The following PRKRIP1 variants were observed in gnomAD, a reference collection of about 807,000 sequenced individuals.
PRKRIP1 encodes PRKR interacting protein 1.
In PRKRIP1, 29 loss-of-function variants were observed where a neutral mutation model predicts 29.3. That is an observed-to-expected ratio of 0.99 (90% CI 0.74 to 1.35). The LOEUF (loss-of-function observed/expected upper bound fraction) is 1.35. PRKRIP1 is among the 40% of genes most tolerant of loss of function. The pLI, the probability that PRKRIP1 is intolerant of heterozygous loss-of-function variation, is 0.00. For synonymous variants in PRKRIP1, 90 were observed against 85.1 expected, an observed-to-expected ratio of 1.06 and a Z score of -0.32; for missense variants, 247 against 236.8, an observed-to-expected ratio of 1.04 and a Z score of -0.28.
At chr7:102,417,703 C>G (rs1796591562) in intron 5 of PRKRIP1, among the ~76,000 whole-genome samples, 1 of 148,690 alleles carries the variant, frequency 6.7e-6, no homozygotes, top group Non-Finnish European at 1.5e-5. Flanking sequence ...ACTGCATCCT[C>G]AAACTCCGGG....
At chr7:102,421,028 TCA>T (rs1370551226) in intron 5 of PRKRIP1, among the ~76,000 whole-genome samples, 17 of 152,264 alleles carry the variant, frequency 1.1e-4, no homozygotes, top group African/African-American at 3.8e-4. Flanking sequence ...CCATGCTTAC[TCA>T]CAGTTTCTTT....
At chr7:102,406,738 C>T (rs1041776118) in intron 4 of PRKRIP1, among the ~76,000 whole-genome samples, 1 of 152,056 alleles carries the variant, frequency 6.6e-6, no homozygotes, top group Non-Finnish European at 1.5e-5. Flanking sequence ...GGGCCAAATG[C>T]GTTGTTGATG....
chr7:102,411,585 A>G (rs1796383951), intron 5 of PRKRIP1, among the ~76,000 whole-genome samples: 1 of 151,880 alleles, frequency 6.6e-6, no homozygotes, highest in Non-Finnish European at 1.5e-5. Flanking sequence ...GGGTTTCACT[A>G]TATTGGCCAG....
chr7:102,426,092 A>G lies in PRKRIP1; in HGVS notation c.*981A>G, dbSNP rs941064. ...AAACTGGCATCCAGGCACTGGGCCC[A>G]TGCAGAGAAGGCACCTGCAGAGAGC... On this transcript the variant is annotated 3_prime_UTR_variant, in exon 6 of 6. Coordinates refer to ENST00000397912, the MANE Select transcript of PRKRIP1 (RefSeq NM_024653.4). The G allele has an allele frequency of 0.99, 150,807 of 153,032 alleles. 74,341 individuals are homozygous for G. The highest frequency in any genetic ancestry group is 1 in the Middle Eastern group (296 of 296). The allele number at this position is 153,032 out of a possible 1,614,324, so 9.5% of individuals were successfully genotyped here.
chr7:102,397,087 C>G (rs1795925487), intron 1 of PRKRIP1, among the ~76,000 whole-genome samples: 1 of 152,056 alleles, frequency 6.6e-6, no homozygotes. Context: ...TTTTTCAGTT[C>G]TGCTCTGGAA....
rs1796817751 is a variant in PRKRIP1, at chr7:102,425,840, C to T, written c.*729C>T. ...AGCTGGGCTGAGCCAGAGCAGAAGG[C>T]GAGGGATTCCCAGCCGGACGGGGGT... On this transcript the variant is annotated 3_prime_UTR_variant, in exon 6 of 6. Coordinates refer to ENST00000397912, the MANE Select transcript of PRKRIP1 (RefSeq NM_024653.4). 3 of 154,096 alleles carry T rather than the reference C, an allele frequency of 1.9e-5. No homozygotes were observed. The South Asian group carries it at 5.6e-4, about 29-fold the overall frequency. The allele number at this position is 154,096 out of a possible 1,614,324, so 9.5% of individuals were successfully genotyped here.
intron 5 of PRKRIP1, among the ~76,000 whole-genome samples, chr7:102,417,409 TG>T (rs1796582285): frequency 6.6e-6 from 1 of 152,308 alleles, no homozygotes; most frequent in Non-Finnish European, 1.5e-5. Context: ...GAAGTCATTC[TG>T]CATGCTAGGG....
At chr7:102,404,536 G>A in intron 3 of PRKRIP1, 62 bp from the exon 4 acceptor site, 1 of 1,439,316 alleles carries the variant, frequency 6.9e-7, no homozygotes, top group East Asian at 2.3e-5. Context: ...CTTTGCCTGA[G>A]CAAAACCTCC....
intron 3 of PRKRIP1, among the ~76,000 whole-genome samples, chr7:102,400,149 A>C (rs1796025029): frequency 6.6e-6 from 1 of 151,868 alleles, no homozygotes; most frequent in African/African-American, 2.4e-5. Context: ...GTCTCTACTA[A>C]AAATACAGAA....
intron 5 of PRKRIP1, among the ~76,000 whole-genome samples, chr7:102,416,349 C>T (rs1796547108): frequency 6.6e-6 from 1 of 152,188 alleles, no homozygotes; most frequent in Admixed American, 6.5e-5. Context: ...GTGTGTGAAC[C>T]CACATCGATA....
At chr7:102,421,842 A>G (rs1796701529) in intron 5 of PRKRIP1, among the ~76,000 whole-genome samples, 1 of 151,716 alleles carries the variant, frequency 6.6e-6, no homozygotes, top group South Asian at 2.1e-4. Context: ...CAAACACAGC[A>G]TAGTAGGTGG....
rs538536117 is a variant in PRKRIP1 at position 102,396,788 on chromosome 7, C to T, written c.126+251C>T. On this transcript the variant is annotated intron_variant, in intron 1 of 5. Transcript: ENST00000397912. ...GGAGCGGCTTCCCGTGCTCCAAGAC[C>T]CCTTCTGGTTTAACTTTCTGTGAAC... Among the ~76,000 whole-genome samples the T allele has an allele frequency of 3.3e-5, 5 of 152,198 alleles. No individual in the cohort carries two copies. The South Asian group carries it at 1.0e-3, about 32-fold the overall frequency.
intron 5 of PRKRIP1, among the ~76,000 whole-genome samples, chr7:102,422,063 C>T (rs1554573809): frequency 6.6e-6 from 1 of 151,816 alleles, no homozygotes; most frequent in Non-Finnish European, 1.5e-5. Flanking sequence ...GACGCCAAGC[C>T]ACAGATCAGC....
chr7:102,408,103 G>A (rs773543307), intron 5 of PRKRIP1, among the ~76,000 whole-genome samples: 13 of 152,118 alleles, frequency 8.5e-5, no homozygotes, highest in Non-Finnish European at 1.9e-4. Context: ...TGGCTCCCCC[G>A]CACGTTCCCT....
At chr7:102,398,764 A>G (rs1795986411) in intron 2 of PRKRIP1, among the ~76,000 whole-genome samples, 1 of 152,190 alleles carries the variant, frequency 6.6e-6, no homozygotes, top group South Asian at 2.1e-4. Flanking sequence ...TAAATTCTTT[A>G]GTTTCCCACT....
At chr7:102,406,592 T>A (rs10262517) in intron 4 of PRKRIP1, among the ~76,000 whole-genome samples, 2,985 of 152,256 alleles carry the variant, frequency 0.02, 87 homozygotes, top group African/African-American at 0.067. Context: ...TGTAAGAGGA[T>A]CAGCTTCCAT....
At chr7:102,401,295 T>C (rs963962081) in intron 3 of PRKRIP1, among the ~76,000 whole-genome samples, 2 of 152,250 alleles carry the variant, frequency 1.3e-5, no homozygotes, top group Middle Eastern at 3.2e-3. Flanking sequence ...GCAGTGGATA[T>C]ATCTGCTGTA....
At chr7:102,413,464 A>T (rs1357215773) in intron 5 of PRKRIP1, among the ~76,000 whole-genome samples, 1 of 152,246 alleles carries the variant, frequency 6.6e-6, no homozygotes, top group East Asian at 1.9e-4. Flanking sequence ...AAAGAACAAC[A>T]TCAAAAATAA....
At chr7:102,399,312 T>C (rs1554570885) in intron 2 of PRKRIP1, among the ~76,000 whole-genome samples, 1 of 152,210 alleles carries the variant, frequency 6.6e-6, no homozygotes, top group Non-Finnish European at 1.5e-5. Flanking sequence ...CTGCCCCTCC[T>C]GATACTGCAT....
Sources: gnomAD v4.1 joint callset for allele counts (sites outside exome capture counted in the v4.1 genomes callset) on GRCh38, gnomAD v4.1.1 for gene constraint, MANE v1.5 for transcripts, NCBI Gene and HGNC (gene_info 2026-07-23, HGNC 2026-07-21) for gene names.